SDC2: variants seen among roughly 807,000 people sequenced by gnomAD.
SDC2 encodes the protein syndecan 2.
A neutral mutation model predicts 22.2 loss-of-function variants in SDC2; 13 were observed. The observed-to-expected ratio is 0.59, with a 90% CI of 0.38 to 0.93. SDC2 has a LOEUF of 0.93. SDC2 is among the 40% of genes least tolerant of loss of function. The pLI is 0.00. For synonymous variants in SDC2, 94 were observed against 92.8 expected, an observed-to-expected ratio of 1.01 and a Z score of -0.07; for missense variants, 235 against 246.8, an observed-to-expected ratio of 0.95 and a Z score of 0.32.
In SDC2 at chr8:96,496,106, C is replaced by CT. The variant is rs992689169; in HGVS notation, c.60+1784dup. ...AAAACTGCACATGGTTAAGGAGGCC[C>CT]TTTTTTTTTGCTGAGTCTTATTCAT... is the stretch of plus-strand genomic sequence containing the variant. On this transcript the variant is annotated intron_variant, in intron 1 of 4. Coordinates refer to ENST00000302190, the MANE Select transcript of SDC2 (RefSeq NM_002998.4). Among the ~76,000 whole-genome samples the CT allele has an allele frequency of 8.3e-4, 125 of 151,164 alleles. 3 individuals carry two copies. The South Asian group carries it at 0.011, about 14-fold the overall frequency.
chr8:96,518,345 T>A (rs1813439089), intron 1 of SDC2, among the ~76,000 whole-genome samples: 4 of 147,512 alleles, frequency 2.7e-5, no homozygotes. Context: ...TTGGAGAGAC[T>A]GCCTTACCTT....
intron 1 of SDC2, among the ~76,000 whole-genome samples, chr8:96,563,778 A>G (rs1814250355): frequency 6.6e-6 from 1 of 152,228 alleles, no homozygotes; most frequent in South Asian, 2.1e-4. Flanking sequence ...AACAGTGCTA[A>G]AATTGTGTTT....
chr8:96,578,486 T>C (rs1462157431), intron 1 of SDC2, among the ~76,000 whole-genome samples: 1 of 152,172 alleles, frequency 6.6e-6, no homozygotes, highest in Non-Finnish European at 1.5e-5. Flanking sequence ...CTAATGCAAA[T>C]AAAAGCATTC....
At chr8:96,514,830 G>A (rs944920750) in intron 1 of SDC2, among the ~76,000 whole-genome samples, 1 of 152,108 alleles carries the variant, frequency 6.6e-6, no homozygotes, top group Admixed American at 6.5e-5. Flanking sequence ...GAGTGCAGGC[G>A]GTAATGAGAT....
intron 2 of SDC2, among the ~76,000 whole-genome samples, 165 bp downstream of exon 2, chr8:96,593,756 C>T (rs1000759583): frequency 2.6e-5 from 4 of 152,200 alleles, no homozygotes; most frequent in East Asian, 1.9e-4. Context: ...CTGCCACTTA[C>T]GCTGTGAGAT....
Position 96,499,187 on chromosome 8 carries a change from A to G in SDC2, c.60+4856A>G, listed in dbSNP as rs115614106. ...TTCAGTGTTTCTCCTTTTAAATGCT[A>G]TTGATTAAATGCAAGCTCCAAATAC... On this transcript the variant is annotated intron_variant, in intron 1 of 4. Transcript: ENST00000302190. 3.3e-3 allele frequency among the ~76,000 whole-genome samples: 508 copies of G among 152,288 alleles called. 4 individuals are homozygous for G. The highest frequency in any genetic ancestry group is 0.012 in the African/African-American group (479 of 41,558).
intron 1 of SDC2, among the ~76,000 whole-genome samples, chr8:96,505,731 G>T (rs1813229222): frequency 6.6e-6 from 1 of 152,164 alleles, no homozygotes; most frequent in Non-Finnish European, 1.5e-5. Flanking sequence ...GATTTGATTA[G>T]GTATTGTGAT....
At chr8:96,521,512 C>T (rs141827092) in intron 1 of SDC2, among the ~76,000 whole-genome samples, 6 of 152,226 alleles carry the variant, frequency 3.9e-5, no homozygotes, top group Non-Finnish European at 8.8e-5. Context: ...TTTATGGCCT[C>T]CAGTCTGGAG....
intron 1 of SDC2, among the ~76,000 whole-genome samples, chr8:96,501,295 C>CGT (rs1813159541): frequency 1.8e-5 from 1 of 55,162 alleles, no homozygotes; most frequent in Non-Finnish European, 3.5e-5. Context: ...ATACGTATTT[C>CGT]TTTTTTTTTT....
chr8:96,560,596 G>T (rs1226387583), intron 1 of SDC2, among the ~76,000 whole-genome samples: 1 of 152,074 alleles, frequency 6.6e-6, no homozygotes, highest in Admixed American at 6.6e-5. Flanking sequence ...GTGATTTTAT[G>T]GTTTGACTTT....
intron 1 of SDC2, among the ~76,000 whole-genome samples, chr8:96,514,254 G>A (rs780193192): frequency 6.6e-6 from 1 of 152,152 alleles, no homozygotes; most frequent in African/African-American, 2.4e-5. Flanking sequence ...GTTTGAGTCA[G>A]AGCAGTGAGT....
intron 1 of SDC2, among the ~76,000 whole-genome samples, chr8:96,568,353 C>T (rs1440784550): frequency 2.6e-5 from 4 of 152,324 alleles, no homozygotes; most frequent in Admixed American, 6.5e-5. Flanking sequence ...AATGAATCTG[C>T]TTTTCATAGG....
At chr8:96,572,614 C>T (rs935802424) in intron 1 of SDC2, among the ~76,000 whole-genome samples, 18 of 152,240 alleles carry the variant, frequency 1.2e-4, no homozygotes, top group African/African-American at 3.1e-4. Context: ...AACAAAGGCC[C>T]CATGTTATGT....
intron 1 of SDC2, among the ~76,000 whole-genome samples, chr8:96,568,848 T>C (rs923549872): frequency 4.6e-5 from 7 of 152,278 alleles, no homozygotes; most frequent in Admixed American, 2.6e-4. Context: ...TGTTCATCTA[T>C]TTGGGATAGG....
chr8:96,557,778 TAAAAA>T (rs889745024), intron 1 of SDC2, among the ~76,000 whole-genome samples: 2 of 149,134 alleles, frequency 1.3e-5, no homozygotes, highest in Non-Finnish European at 3.0e-5. Flanking sequence ...AGTATAATAA[TAAAAA>T]AAAAAGAATG....
intron 1 of SDC2, among the ~76,000 whole-genome samples, chr8:96,495,983 A>G (rs1172596223): frequency 1.3e-5 from 2 of 152,236 alleles, no homozygotes; most frequent in Non-Finnish European, 2.9e-5. Context: ...ACCAAAAGGC[A>G]GCAGTTCTCT....
At chr8:96,504,147 G>T (rs993991485) in intron 1 of SDC2, among the ~76,000 whole-genome samples, 3 of 152,114 alleles carry the variant, frequency 2.0e-5, no homozygotes, top group African/African-American at 7.2e-5. Context: ...TAATATAAAG[G>T]TTCCCAAATT....
At chr8:96,497,766 G>A (rs537400536) in intron 1 of SDC2, among the ~76,000 whole-genome samples, 1 of 152,336 alleles carries the variant, frequency 6.6e-6, no homozygotes, top group Admixed American at 6.5e-5. Flanking sequence ...CCACTGTGCT[G>A]TTGGCATACC....
intron 1 of SDC2, among the ~76,000 whole-genome samples, chr8:96,502,901 T>C: frequency 6.6e-6 from 1 of 152,190 alleles, no homozygotes; most frequent in East Asian, 1.9e-4. Context: ...CTCTGAAGAA[T>C]AAGGGCTTGG....
Sources: allele counts gnomAD v4.1 joint callset (sites outside exome capture counted in the v4.1 genomes callset), GRCh38; gene constraint gnomAD v4.1.1; transcripts MANE v1.5; gene names NCBI Gene and HGNC (gene_info 2026-07-23, HGNC 2026-07-21).